Variants in CCDC149 observed in about 807,000 individuals in gnomAD.
The protein encoded by CCDC149 is coiled-coil domain-containing protein 149.
Under a neutral mutation model 59.9 loss-of-function variants are expected in CCDC149, and 45 were observed. That is an observed-to-expected ratio of 0.75 (90% CI 0.59 to 0.96). The LOEUF (loss-of-function observed/expected upper bound fraction) is 0.96, where lower values mean the gene tolerates loss of function less well. CCDC149 is among the 40% of genes least tolerant of loss of function. The pLI, the probability that CCDC149 is intolerant of heterozygous loss-of-function variation, is 0.00. For synonymous variants in CCDC149, 245 were observed against 260.6 expected, an observed-to-expected ratio of 0.94 and a Z score of 0.58; for missense variants, 584 against 664.7, an observed-to-expected ratio of 0.88 and a Z score of 1.33.
Position 24,835,047 on chromosome 4 carries a change from G to T in CCDC149, c.736-15C>A, listed in dbSNP as rs750122176. 5 of 1,600,148 alleles carry T rather than the reference G, an allele frequency of 3.1e-6. No individual in the cohort carries two copies. In the African/African-American group the frequency reaches 4.0e-5, roughly 13 times the overall value. ...TCCAGAGCATTCTAAAACAGGATTG[G>T]GAGAGAATAAAAACCCGTCAGAAAA... is the stretch of plus-strand genomic sequence containing the variant. On this transcript the variant is annotated splice_polypyrimidine_tract_variant and intron_variant, in intron 7 of 12. Coordinates refer to ENST00000635206, the MANE Select transcript of CCDC149 (RefSeq NM_001330643.2).
intron 1 of CCDC149, among the ~76,000 whole-genome samples, chr4:24,927,621 C>T (rs1272436801): frequency 1.3e-5 from 2 of 152,140 alleles, no homozygotes; most frequent in African/African-American, 2.4e-5. Flanking sequence ...CAAACAACCC[C>T]CTTCCCGTAT....
chr4:24,907,636 G>T (rs1242294024), intron 1 of CCDC149, among the ~76,000 whole-genome samples: 1 of 152,190 alleles, frequency 6.6e-6, no homozygotes, highest in Non-Finnish European at 1.5e-5. Context: ...AAGATGGAGA[G>T]AAACTGTCTG....
chr4:24,882,613 G>A (rs1298892856), intron 1 of CCDC149, among the ~76,000 whole-genome samples: 1 of 152,150 alleles, frequency 6.6e-6, no homozygotes, highest in Admixed American at 6.5e-5. Context: ...CTGATGAGAG[G>A]GTGTCTATGG....
rs148449519 is a variant in CCDC149 at position 24,903,075 on chromosome 4, C to T, written c.63+9742G>A. Among the ~76,000 whole-genome samples the T allele has an allele frequency of 3.5e-3, 508 of 146,966 alleles. 6 individuals are homozygous for T. The highest frequency in any genetic ancestry group is 0.012 in the African/African-American group (472 of 39,988). ...GTATTTTAAAATATTAACTGACAGC[C>T]TATCTTCCCACCTTGCTTCCATTTC... is the stretch of plus-strand genomic sequence containing the variant. On this transcript the variant is annotated intron_variant, in intron 1 of 12. Transcript: ENST00000635206.
chr4:24,848,723 T>C (rs547652692), intron 4 of CCDC149, among the ~76,000 whole-genome samples: 7 of 152,006 alleles, frequency 4.6e-5, no homozygotes, highest in Non-Finnish European at 1.0e-4. Flanking sequence ...AAAAAAATCA[T>C]ATGCTGAGGT....
intron 3 of CCDC149, among the ~76,000 whole-genome samples, chr4:24,857,026 T>C (rs1718055340): frequency 6.6e-6 from 1 of 152,102 alleles, no homozygotes; most frequent in African/African-American, 2.4e-5. Context: ...ACCTAAACCT[T>C]CATTTAGCGG....
chr4:24,932,973 CA>C lies in CCDC149; in HGVS notation c.-64-37856del, dbSNP rs149522282. Among the ~76,000 whole-genome samples, 277 of 152,244 alleles carry C rather than the reference CA, an allele frequency of 1.8e-3. 2 individuals carry two copies. In the South Asian group the frequency reaches 0.044, roughly 24 times the overall value. On this transcript the variant is annotated intron_variant, in intron 1 of 12. Coordinates refer to the CCDC149 transcript ENST00000389609. ...CAACCAGGCATGAAAGAAATCACAGCAAACCTATTTCAGAGAAAGGCATTCC... is the reference window on the plus strand; with the variant it reads ...CAACCAGGCATGAAAGAAATCACAGCAACCTATTTCAGAGAAAGGCATTCC...
chr4:24,923,531 G>C (rs1428257639), intron 1 of CCDC149, among the ~76,000 whole-genome samples: 2 of 152,262 alleles, frequency 1.3e-5, no homozygotes, highest in East Asian at 1.9e-4. Context: ...CTAAGTGAAG[G>C]GTCATTGAAA....
At chr4:24,871,152 C>G (rs1392916557) in intron 3 of CCDC149, among the ~76,000 whole-genome samples, 1 of 151,642 alleles carries the variant, frequency 6.6e-6, no homozygotes, top group Non-Finnish European at 1.5e-5. Flanking sequence ...ATAAAATAAT[C>G]CTGTAAGAAA....
chr4:24,842,081 T>C (rs1294062421), intron 4 of CCDC149, among the ~76,000 whole-genome samples: 1 of 152,208 alleles, frequency 6.6e-6, no homozygotes, highest in East Asian at 1.9e-4. Flanking sequence ...ATGCAAGTTT[T>C]GGACAATTTC....
At chr4:24,920,798 T>A (rs1436290758) in intron 1 of CCDC149, among the ~76,000 whole-genome samples, 4 of 152,254 alleles carry the variant, frequency 2.6e-5, no homozygotes, top group African/African-American at 9.6e-5. Flanking sequence ...TTTATCTTAA[T>A]GGAAACTAAA....
chr4:24,965,476 T>C (rs1251928257), intron 1 of CCDC149, among the ~76,000 whole-genome samples: 2,059 of 148,230 alleles, frequency 0.014, 57 homozygotes, highest in African/African-American at 0.041. Flanking sequence ...AAATTTGAAG[T>C]TAACGACAGA....
At chr4:24,933,146 A>T (rs578091456) in intron 1 of CCDC149, among the ~76,000 whole-genome samples, 11 of 152,276 alleles carry the variant, frequency 7.2e-5, no homozygotes, top group Admixed American at 1.3e-4. Flanking sequence ...GATCTCAGGA[A>T]TTAATAAGGA....
At position 24,912,807 on chromosome 4, in the gene CCDC149, G is replaced by A. The variant is rs1182686769; in HGVS notation, c.63+10C>T. 1.5e-6 allele frequency: 2 copies of A among 1,324,992 alleles called. No individual in the cohort carries two copies. The highest frequency in any genetic ancestry group is 2.0e-6 in the Non-Finnish European group (2 of 1,023,838). 82.1% of individuals were successfully genotyped at this position (1,324,992 alleles called of 1,614,324 possible). On this transcript the variant is annotated intron_variant, in intron 1 of 12. Transcript: ENST00000635206. ...CGGCCCATCCCGCCTGGCCGGCGCC[G>A]CGGCCTCACCTCGCTCACCAGCCCC...
rs7671484 is a variant in CCDC149 at position 24,875,556 on chromosome 4, A to G, written c.225+980T>C. On this transcript the variant is annotated intron_variant, in intron 2 of 12. Transcript: ENST00000635206. ...CTCTATGTTGCTCAGCTTGGTCTCA[A>G]ACTCCTGGGCTCAAGCAATCCTCTC... Among the ~76,000 whole-genome samples, 216 of 151,496 alleles carry G rather than the reference A, an allele frequency of 1.4e-3. 1 individual carries two copies. Among genetic ancestry groups the G allele is most frequent in the African/African-American group, 5.0e-3 (207 of 41,218 alleles).
At chr4:24,892,172 C>A (rs1229407802) in intron 1 of CCDC149, among the ~76,000 whole-genome samples, 2 of 152,102 alleles carry the variant, frequency 1.3e-5, no homozygotes, top group African/African-American at 4.8e-5. Context: ...CAAGTAAGAC[C>A]CGGGGTGTGA....
intron 10 of CCDC149, among the ~76,000 whole-genome samples, chr4:24,821,389 T>C (rs546762781): frequency 1.3e-5 from 2 of 152,288 alleles, no homozygotes; most frequent in South Asian, 4.1e-4. Flanking sequence ...TCCTAGAAGA[T>C]GAGGTTTTAA....
intron 1 of CCDC149, among the ~76,000 whole-genome samples, chr4:24,943,896 G>A (rs1723022663): frequency 6.6e-6 from 1 of 152,176 alleles, no homozygotes; most frequent in Non-Finnish European, 1.5e-5. Flanking sequence ...TAAAAAGTCA[G>A]GAAACAGGTG....
chr4:24,932,314 G>A (rs556645966), intron 1 of CCDC149, among the ~76,000 whole-genome samples: 1 of 152,208 alleles, frequency 6.6e-6, no homozygotes, highest in Non-Finnish European at 1.5e-5. Flanking sequence ...TTTCAGCACT[G>A]CCAGATTGCT....
Sources: allele counts gnomAD v4.1 joint callset (sites outside exome capture counted in the v4.1 genomes callset), GRCh38; gene constraint gnomAD v4.1.1; transcripts MANE v1.5; gene names NCBI Gene and HGNC (gene_info 2026-07-23, HGNC 2026-07-21).